Variants in NT5C2 observed in about 807,000 individuals in gnomAD.
The protein encoded by NT5C2 is cytosolic purine 5'-nucleotidase.
A neutral mutation model predicts 76.1 loss-of-function variants in NT5C2; 58 were observed. The ratio of observed to expected loss-of-function variants is 0.76; its 90% CI spans 0.62 to 0.95. NT5C2 has a LOEUF of 0.95. Ranked by LOEUF, NT5C2 falls within the 40% of genes least tolerant of loss-of-function variation. The pLI, the probability that NT5C2 is intolerant of heterozygous loss-of-function variation, is 0.00. For synonymous variants in NT5C2, 229 were observed against 237.4 expected, an observed-to-expected ratio of 0.96 and a Z score of 0.32; for missense variants, 478 against 690.3, an observed-to-expected ratio of 0.69 and a Z score of 3.45.
At position 103,180,295 on chromosome 10, in the gene NT5C2, C is replaced by T. The variant is rs989956641; in HGVS notation, c.-25+890G>A. Reference sequence around the variant, plus strand: ...GAGCAACCTGAATTCTACTACACTGCTGGAAAGAAAATAAAAAAGGCACAA... The same window carrying T: ...GAGCAACCTGAATTCTACTACACTGTTGGAAAGAAAATAAAAAAGGCACAA... On this transcript the variant is annotated intron_variant, in intron 2 of 18. Coordinates refer to ENST00000404739, the MANE Select transcript of NT5C2 (RefSeq NM_001351169.2). 3.9e-5 allele frequency among the ~76,000 whole-genome samples: 6 copies of T among 152,090 alleles called. No individual in the cohort carries two copies. The East Asian group carries it at 1.2e-3, about 29-fold the overall frequency.
chr10:103,093,116 C>A (rs1564915940), intron 15 of NT5C2, 23 bp downstream of exon 15: 1 of 1,530,512 alleles, frequency 6.5e-7, no homozygotes, highest in Non-Finnish European at 8.8e-7. Context: ...ATAAATTACA[C>A]CAAAGATTTA....
intron 1 of NT5C2, among the ~76,000 whole-genome samples, chr10:103,185,689 A>T (rs1199497879): frequency 6.6e-6 from 1 of 151,996 alleles, no homozygotes; most frequent in East Asian, 1.9e-4. Context: ...AGCAGGTAAA[A>T]AACTGCTTTA....
intron 4 of NT5C2, among the ~76,000 whole-genome samples, chr10:103,128,955 A>C: frequency 2.0e-5 from 2 of 98,740 alleles, no homozygotes; most frequent in African/African-American, 3.8e-5. Context: ...CCCGGCAGCC[A>C]CCCCGTCCGG....
At chr10:103,168,068 A>C (rs2086851764) in intron 3 of NT5C2, among the ~76,000 whole-genome samples, 1 of 152,092 alleles carries the variant, frequency 6.6e-6, no homozygotes, top group African/African-American at 2.4e-5. Context: ...AGATTTATAT[A>C]AAGACTGATA....
intron 3 of NT5C2, among the ~76,000 whole-genome samples, chr10:103,170,113 C>A (rs1045276825): frequency 1.3e-5 from 2 of 151,870 alleles, no homozygotes; most frequent in Non-Finnish European, 2.9e-5. Flanking sequence ...GGCTACAGAG[C>A]GAGACTCTGT....
intron 3 of NT5C2, among the ~76,000 whole-genome samples, chr10:103,143,807 T>C (rs113338295): frequency 0.016 from 2,398 of 151,910 alleles, 59 homozygotes; most frequent in African/African-American, 0.054. Flanking sequence ...AATAAAAAAT[T>C]AGCCACGTGT....
intron 10 of NT5C2, chr10:103,098,096 AAAAG>A (rs758957146): frequency 7.6e-6 from 4 of 528,936 alleles, no homozygotes; most frequent in South Asian, 2.8e-5. Context: ...ACTCTGTAGG[AAAAG>A]AAAGAAGTAT....
chr10:103,129,584 GC>G (rs1482906338), intron 4 of NT5C2, among the ~76,000 whole-genome samples: 1 of 105,818 alleles, frequency 9.5e-6, no homozygotes, highest in African/African-American at 3.6e-5. Flanking sequence ...GGGGGTGTCA[GC>G]CCCCCGCCCG....
At chr10:103,128,715 G>A (rs1267749055) in intron 4 of NT5C2, among the ~76,000 whole-genome samples, 10 of 43,274 alleles carry the variant, frequency 2.3e-4, no homozygotes, top group East Asian at 2.1e-3. Flanking sequence ...CCTCTGCCCC[G>A]CCGCCCCATC....
intron 4 of NT5C2, among the ~76,000 whole-genome samples, chr10:103,129,160 C>T (rs1369793888): frequency 2.7e-4 from 28 of 105,586 alleles, no homozygotes; most frequent in East Asian, 7.4e-4. Flanking sequence ...CCGCCCCGTC[C>T]GGGAGGTGAG....
chr10:103,099,240 A>AT (rs2068943332), intron 9 of NT5C2, among the ~76,000 whole-genome samples: 1 of 152,062 alleles, frequency 6.6e-6, no homozygotes, highest in African/African-American at 2.4e-5. Context: ...TGCCTGGCTA[A>AT]TTTTCTGTAT....
chr10:103,139,219 A>G (rs1216394449), intron 4 of NT5C2, among the ~76,000 whole-genome samples, 187 bp downstream of exon 4: 1 of 152,210 alleles, frequency 6.6e-6, no homozygotes, highest in African/African-American at 2.4e-5. Context: ...CAAACTCATG[A>G]GCCACATCTC....
chr10:103,191,131 G>A (rs1360646888), intron 1 of NT5C2, among the ~76,000 whole-genome samples: 3 of 152,206 alleles, frequency 2.0e-5, no homozygotes, highest in African/African-American at 7.2e-5. Flanking sequence ...AGTGGCTCAA[G>A]CCTGTAATCC....
intron 4 of NT5C2, among the ~76,000 whole-genome samples, chr10:103,129,700 T>C (rs2077634167): frequency 1.2e-5 from 1 of 84,286 alleles, no homozygotes; most frequent in African/African-American, 4.7e-5. Context: ...CCGCCCCTAC[T>C]GGGAAGTGAG....
At chr10:103,163,314 G>T (rs2085399506) in intron 3 of NT5C2, among the ~76,000 whole-genome samples, 1 of 152,130 alleles carries the variant, frequency 6.6e-6, no homozygotes, top group South Asian at 2.1e-4. Context: ...GGATTTCTGG[G>T]TCATTAATGT....
At chr10:103,105,495 G>A in intron 6 of NT5C2, 1 of 546,372 alleles carries the variant, frequency 1.8e-6, no homozygotes. Flanking sequence ...TAATTGGAAG[G>A]CACTTAATTT....
intron 4 of NT5C2, among the ~76,000 whole-genome samples, chr10:103,127,392 G>A (rs1401538857): frequency 6.6e-6 from 1 of 152,176 alleles, no homozygotes; most frequent in East Asian, 1.9e-4. Context: ...CCGATACACA[G>A]CTGGCTTCAA....
In NT5C2 at chr10:103,089,387, A is replaced by T; in HGVS notation, c.*285T>A. 1 of 310,460 alleles carries T rather than the reference A, an allele frequency of 3.2e-6. No homozygotes were observed. The highest frequency in any genetic ancestry group is 1.2e-4 in the South Asian group (1 of 8,596). 19.2% of individuals were successfully genotyped at this position (310,460 alleles called of 1,614,324 possible). Reference sequence around the variant, plus strand: ...ACACTGACATACGGATGATTTTAAAAGTGTCACAAGCCACAGTGGAGCCAT... The same window carrying T: ...ACACTGACATACGGATGATTTTAAATGTGTCACAAGCCACAGTGGAGCCAT... On this transcript the variant is annotated 3_prime_UTR_variant, in exon 19 of 19. Transcript: ENST00000404739.
rs556171537 is a variant in NT5C2, at chr10:103,142,888, T to C, written c.102-3409A>G. 4.1e-5 allele frequency among the ~76,000 whole-genome samples: 6 copies of C among 148,114 alleles called. No individual in the cohort carries two copies. The East Asian group carries it at 1.2e-3, about 29-fold the overall frequency. On this transcript the variant is annotated intron_variant, in intron 3 of 18. Transcript: ENST00000404739. ...ATCCCAGCTACTCAGGAGGCTGAGG[T>C]AGGAGAACTGCTTGAGCCTAGACCC... is the stretch of plus-strand genomic sequence containing the variant.
Sources: gnomAD v4.1 joint callset for allele counts (sites outside exome capture counted in the v4.1 genomes callset) on GRCh38, gnomAD v4.1.1 for gene constraint, MANE v1.5 for transcripts, NCBI Gene and HGNC (gene_info 2026-07-23, HGNC 2026-07-21) for gene names.